The following AAR2 variants were observed in gnomAD, a reference collection of about 807,000 sequenced individuals.
The protein encoded by AAR2 is protein AAR2 homolog.
Under a neutral mutation model 26.9 loss-of-function variants are expected in AAR2, and 31 were observed. That is an observed-to-expected ratio of 1.15 (90% CI 0.86 to 1.55). The LOEUF is 1.55. Among genes scored for constraint, AAR2 ranks in the 40% most tolerant of loss-of-function variants. The pLI is 0.00. For missense variants in AAR2, 430 were observed against 491.3 expected, an observed-to-expected ratio of 0.88 and a Z score of 1.18; for synonymous variants, 188 against 196.1, an observed-to-expected ratio of 0.96 and a Z score of 0.34.
chr20:36,245,286 G>A (rs536311079), intron 3 of AAR2, among the ~76,000 whole-genome samples: 193 of 152,288 alleles, frequency 1.3e-3, no homozygotes, highest in Middle Eastern at 3.4e-3. Flanking sequence ...GTTATTCCCA[G>A]TGAAACATCT....
chr20:36,250,904 G>T (rs1189997305), intron 3 of AAR2, among the ~76,000 whole-genome samples: 2 of 148,526 alleles, frequency 1.3e-5, no homozygotes, highest in African/African-American at 4.9e-5. Flanking sequence ...AAATTAAGAA[G>T]AAAAAAAAAA....
At chr20:36,245,476 TC>T (rs1188736385) in intron 3 of AAR2, among the ~76,000 whole-genome samples, 5 of 152,238 alleles carry the variant, frequency 3.3e-5, no homozygotes, top group African/African-American at 1.2e-4. Flanking sequence ...ACAATCTTCA[TC>T]CTATGCTATT....
rs539306228 is a variant in AAR2, at chr20:36,238,455, A to C, written c.-48-1366A>C. ...TCTTCCTTTCTGCACTGCTTTATTT[A>C]AAGTAAAAAGGGTAAACAGGGCCAG... On this transcript the variant is annotated intron_variant, in intron 1 of 3. Transcript: ENST00000320849. Among the ~76,000 whole-genome samples the C allele has an allele frequency of 3.3e-5, 5 of 152,212 alleles. 1 individual carries two copies. The East Asian group carries it at 9.7e-4, about 30-fold the overall frequency.
intron 2 of AAR2, 115 bp downstream of exon 2, chr20:36,240,740 G>A: frequency 7.3e-7 from 1 of 1,364,106 alleles, no homozygotes; most frequent in South Asian, 1.5e-5. Flanking sequence ...CTGGCTAGGA[G>A]GCTGAAGATA....
At chr20:36,243,091 A>G (rs945016245) in intron 2 of AAR2, among the ~76,000 whole-genome samples, 30 of 152,064 alleles carry the variant, frequency 2.0e-4, no homozygotes, top group Non-Finnish European at 2.1e-4. Context: ...GAACTCAAGC[A>G]ATCCTCCTCC....
chr20:36,238,023 A>G (rs1313042470), intron 1 of AAR2, among the ~76,000 whole-genome samples: 2 of 151,944 alleles, frequency 1.3e-5, no homozygotes, highest in Non-Finnish European at 2.9e-5. Flanking sequence ...TGACCTCATT[A>G]TCCATCCGCC....
At chr20:36,242,095 G>A (rs187416286) in intron 2 of AAR2, among the ~76,000 whole-genome samples, 7 of 148,474 alleles carry the variant, frequency 4.7e-5, no homozygotes, top group African/African-American at 1.7e-4. Context: ...CAGGTAATTT[G>A]CATATTTTCT....
In AAR2 at chr20:36,240,339, C is replaced by A; in HGVS notation, c.471C>A (p.Ala157=). The A allele has an allele frequency of 6.2e-7, 1 of 1,614,244 alleles. No individual in the cohort carries two copies. ...AGCCCGAGAATCGACAGATCTGTGC[C>A]TTTTCCGATGTGCTACCTGTGCTCT... ...KLQPENRQIC[A]FSDVLPVLSM... is the part of the protein sequence containing the mutation. Residue 157 remains alanine (A), a synonymous_variant, in exon 2 of 4, where the codon GCC becomes GCA. Coordinates refer to ENST00000320849, the MANE Select transcript of AAR2 (RefSeq NM_001271874.2).
At position 36,255,858 on chromosome 20, in the gene AAR2, C is replaced by A; in HGVS notation, c.*113C>A. On this transcript the variant is annotated 3_prime_UTR_variant, in exon 4 of 4. Coordinates refer to ENST00000320849, the MANE Select transcript of AAR2 (RefSeq NM_001271874.2). ...TGCCAGGGCAGCAATCTCTCCAGGT[C>A]CTGCAAAGATGGAGCCAGAATTCCC... 7.6e-7 allele frequency: 1 copy of A among 1,307,916 alleles called. No individual in the cohort carries two copies. Among genetic ancestry groups the A allele is most frequent in the Non-Finnish European group, 1.0e-6 (1 of 961,624 alleles). 81.0% of individuals were successfully genotyped at this position (1,307,916 alleles called of 1,614,324 possible).
intron 2 of AAR2, among the ~76,000 whole-genome samples, chr20:36,243,015 G>A (rs1450135092): frequency 6.6e-6 from 1 of 151,826 alleles, no homozygotes; most frequent in Non-Finnish European, 1.5e-5. Context: ...GTGCCACCAC[G>A]CCCAGCTAAT....
chr20:36,241,834 T>G (rs1490347868), intron 2 of AAR2, among the ~76,000 whole-genome samples: 1 of 152,104 alleles, frequency 6.6e-6, no homozygotes, highest in Non-Finnish European at 1.5e-5. Flanking sequence ...TACACATACA[T>G]TTAGGGATAG....
At chr20:36,252,830 CTGTT>C (rs1396332660) in intron 3 of AAR2, among the ~76,000 whole-genome samples, 8 of 152,160 alleles carry the variant, frequency 5.3e-5, no homozygotes, top group Non-Finnish European at 1.0e-4. Flanking sequence ...AGAGCTAAAA[CTGTT>C]TGAGAGAAGG....
chr20:36,244,043 T>C (rs1441816113), intron 2 of AAR2, among the ~76,000 whole-genome samples: 2 of 152,258 alleles, frequency 1.3e-5, no homozygotes, highest in African/African-American at 2.4e-5. Context: ...TCCCACCCAA[T>C]GGAGAATCTG....
At position 36,255,736 on chromosome 20, in the gene AAR2, G is replaced by A; in HGVS notation, c.1146G>A (p.Glu382=). The stretch of plus-strand genomic sequence containing the variant: ...TGGTGGAGCTCCCTGAGGGCATCGA[G>A]ATGGGCTAACTCGGGGAGCGCTCTC... ...PVVVELPEGI[E]MG is the part of the protein sequence containing the mutation. Residue 382 remains glutamate, a synonymous_variant, in exon 4 of 4, where the codon GAG becomes GAA. Coordinates refer to ENST00000320849, the MANE Select transcript of AAR2 (RefSeq NM_001271874.2). 2 of 1,614,160 alleles carry A rather than the reference G, an allele frequency of 1.2e-6. No individual in the cohort carries two copies. Among genetic ancestry groups the A allele is most frequent in the East Asian group, 2.2e-5 (1 of 44,872 alleles).
chr20:36,236,935 A>G (rs1036676007), intron 1 of AAR2, among the ~76,000 whole-genome samples: 7 of 152,222 alleles, frequency 4.6e-5, no homozygotes, highest in Non-Finnish European at 8.8e-5. Flanking sequence ...TCAAACATCC[A>G]AAACTGCAGT....
At position 36,239,969 on chromosome 20, in the gene AAR2, T is replaced by C. The variant is rs2064658169; in HGVS notation, c.101T>C (p.Ile34Thr). The change falls in exon 2 of 4, where the codon ATT (isoleucine) becomes ACT (threonine). Residue 34 changes from isoleucine to threonine, a missense_variant. Transcript: ENST00000320849. ...LNMPKGTEFG[I>T]DYNSWEVGPK... is the part of the protein sequence containing the mutation. ...ATGCCCAAGGGAACAGAGTTTGGGA[T>C]TGACTATAACTCCTGGGAGGTCGGG... The C allele has an allele frequency of 1.2e-6, 2 of 1,614,082 alleles. No homozygotes were observed. The highest frequency in any genetic ancestry group is 2.7e-5 in the African/African-American group (2 of 74,942).
At chr20:36,251,668 A>C (rs1473567268) in intron 3 of AAR2, among the ~76,000 whole-genome samples, 1 of 152,262 alleles carries the variant, frequency 6.6e-6, no homozygotes, top group African/African-American at 2.4e-5. Flanking sequence ...TTACCTCTGC[A>C]GTGGGAATAG....
rs1236566682 is a variant in AAR2 at position 36,256,282 on chromosome 20, G to C, written c.*537G>C. On this transcript the variant is annotated 3_prime_UTR_variant, in exon 4 of 4. Transcript: ENST00000320849. ...GGCCTGCAGCTCCTTGGGAGCCCTT[G>C]ATTGGGAAGAGAGTTTCAAGGGAGG... is the stretch of plus-strand genomic sequence containing the variant. 2 of 152,556 alleles carry C rather than the reference G, an allele frequency of 1.3e-5. No individual in the cohort carries two copies. The highest frequency in any genetic ancestry group is 3.9e-4 in the East Asian group (2 of 5,194). The allele number at this position is 152,556 out of a possible 1,614,324, so 9.5% of individuals were successfully genotyped here.
At chr20:36,250,361 G>A (rs546031364) in intron 3 of AAR2, among the ~76,000 whole-genome samples, 46 of 152,282 alleles carry the variant, frequency 3.0e-4, no homozygotes, top group South Asian at 1.0e-3. Context: ...GTATTGATAT[G>A]CTGAGATTAA....
Sources: gnomAD v4.1 joint callset for allele counts (sites outside exome capture counted in the v4.1 genomes callset) on GRCh38, gnomAD v4.1.1 for gene constraint, MANE v1.5 for transcripts, NCBI Gene and HGNC (gene_info 2026-07-23, HGNC 2026-07-21) for gene names.